ACOT11: variants seen among roughly 807,000 people sequenced by gnomAD.
The protein encoded by ACOT11 is acyl-CoA thioesterase 11, also known as acyl-coenzyme A thioesterase 11.
ACOT11 carries 69 observed loss-of-function variants against 77.5 expected under a neutral mutation model. The ratio of observed to expected loss-of-function variants is 0.89; its 90% CI spans 0.73 to 1.09. The LOEUF is 1.09. Ranked by LOEUF, ACOT11 falls within the 50% of genes least tolerant of loss-of-function variation. ACOT11 has a pLI of 0.00. For synonymous variants in ACOT11, 279 were observed against 313.0 expected (o/e 0.89, Z 1.15); for missense variants, 766 against 813.7 (o/e 0.94, Z 0.71).
intron 1 of ACOT11, among the ~76,000 whole-genome samples, chr1:54,569,782 A>G (rs141096606): frequency 9.3e-4 from 141 of 152,364 alleles, no homozygotes; most frequent in African/African-American, 3.1e-3. Context: ...AGTGATAGCA[A>G]CAGAAAAGCT....
At chr1:54,567,282 C>CTTTT (rs5774191) in intron 1 of ACOT11, among the ~76,000 whole-genome samples, 1 of 139,750 alleles carries the variant, frequency 7.2e-6, no homozygotes, top group Non-Finnish European at 1.5e-5. Flanking sequence ...GACTTTTTTC[C>CTTTT]TTTTTTTTTT....
chr1:54,602,534 GTTTTGA>G, intron 9 of ACOT11, 129 bp from the exon 10 acceptor site: 1 of 818,390 alleles, frequency 1.2e-6, no homozygotes. Context: ...TGGCCAGGAT[GTTTTGA>G]TTCCAGCTGC....
rs1257671336 is a variant in ACOT11, at chr1:54,629,915, T to A, written c.1630-819T>A. Among the ~76,000 whole-genome samples the A allele has an allele frequency of 3.0e-5, 4 of 133,524 alleles. 1 individual carries two copies. The highest frequency in any genetic ancestry group is 5.1e-5 in the Non-Finnish European group (3 of 59,034). 87.6% of individuals were successfully genotyped at this position (133,524 alleles called of 152,430 possible). A position where few individuals can be genotyped will look rare whatever the true frequency, so the allele number is the denominator to read the frequency against. Reference sequence around the variant, plus strand: ...TTATTTTTTTATTTTTATTTTTATGTTTGAGACGGAGTCTTGCTCTGTCGC... The same window carrying A: ...TTATTTTTTTATTTTTATTTTTATGATTGAGACGGAGTCTTGCTCTGTCGC... On this transcript the variant is annotated intron_variant, in intron 15 of 16. Coordinates refer to the ACOT11 transcript ENST00000371316.
At chr1:54,623,124 C>T (rs1644246823) in intron 15 of ACOT11, among the ~76,000 whole-genome samples, 2 of 151,236 alleles carry the variant, frequency 1.3e-5, no homozygotes, top group Admixed American at 6.6e-5. Flanking sequence ...TGCAGTGAGC[C>T]GAGAATCGTG....
intron 1 of ACOT11, among the ~76,000 whole-genome samples, chr1:54,554,352 T>TA (rs536616509): frequency 0.18 from 8,428 of 46,042 alleles, 633 homozygotes; most frequent in Middle Eastern, 0.29. Flanking sequence ...TATATATATA[T>TA]TTTTTTTTTT....
intron 1 of ACOT11, among the ~76,000 whole-genome samples, chr1:54,575,084 C>T (rs1195711955): frequency 6.6e-6 from 1 of 151,888 alleles, no homozygotes; most frequent in Non-Finnish European, 1.5e-5. Context: ...CCCTGGGGCT[C>T]AGTTTCTCCA....
At chr1:54,595,717 G>T (rs1654875858) in intron 6 of ACOT11, among the ~76,000 whole-genome samples, 1 of 152,192 alleles carries the variant, frequency 6.6e-6, no homozygotes, top group Admixed American at 6.5e-5. Context: ...TTTGGACTGG[G>T]TGGGATTTTG....
At chr1:54,568,042 C>T (rs1429885380) in intron 1 of ACOT11, among the ~76,000 whole-genome samples, 1 of 152,180 alleles carries the variant, frequency 6.6e-6, no homozygotes, top group Non-Finnish European at 1.5e-5. Context: ...TTCTTAGGTC[C>T]TTCTGTCCCA....
At chr1:54,552,698 G>A (rs184786746) in intron 1 of ACOT11, among the ~76,000 whole-genome samples, 2,305 of 152,276 alleles carry the variant, frequency 0.015, 35 homozygotes, top group Middle Eastern at 0.02. Context: ...TGTTGGCCAG[G>A]CTGGTCTTGA....
downstream of ACOT11, chr1:54,612,421 T>G (rs2101015830): frequency 3.3e-6 from 4 of 1,206,718 alleles, no homozygotes; most frequent in Non-Finnish European, 4.9e-6. Context: ...AGCCATGAGC[T>G]TCTGGGATCT....
chr1:54,621,206 C>T (rs1644227311), intron 15 of ACOT11, among the ~76,000 whole-genome samples: 1 of 151,166 alleles, frequency 6.6e-6, no homozygotes, highest in South Asian at 2.1e-4. Flanking sequence ...CCTGTAATCC[C>T]AGCACTTTGG....
intron 1 of ACOT11, among the ~76,000 whole-genome samples, chr1:54,553,281 C>T (rs896061996): frequency 2.0e-5 from 3 of 150,894 alleles, no homozygotes; most frequent in South Asian, 2.1e-4. Flanking sequence ...TTTGGGAGGC[C>T]GAGGTCGGTG....
intron 16 of ACOT11, chr1:54,630,936 A>G (rs1229543218): frequency 1.6e-6 from 1 of 628,656 alleles, no homozygotes; most frequent in South Asian, 1.9e-5. Context: ...TGGGATGGGT[A>G]TGGGGTCTGG....
chr1:54,554,337 A>C (rs372071354), intron 1 of ACOT11, among the ~76,000 whole-genome samples: 7 of 70,284 alleles, frequency 1.0e-4, no homozygotes, highest in Non-Finnish European at 1.6e-4. Flanking sequence ...GTGTGTGTAT[A>C]TATATATATA....
intron 13 of ACOT11, among the ~76,000 whole-genome samples, chr1:54,605,450 T>C (rs926561560): frequency 6.6e-6 from 1 of 152,220 alleles, no homozygotes; most frequent in African/African-American, 2.4e-5. Flanking sequence ...CAACCAGCTG[T>C]GTGACATTGG....
Position 54,602,580 on chromosome 1 carries a change from CT to C in ACOT11, c.1030-88del, listed in dbSNP as rs1289548341. ...GCGACACCTGAACTCCACGTTAGGGCTGCAGGAACTCCTTGGGCCCTGGGGG... is the reference window on the plus strand; with the variant it reads ...GCGACACCTGAACTCCACGTTAGGGCGCAGGAACTCCTTGGGCCCTGGGGG... On this transcript the variant is annotated intron_variant, in intron 9 of 15. Coordinates refer to ENST00000343744, the MANE Select transcript of ACOT11 (RefSeq NM_147161.4). The C allele has an allele frequency of 2.4e-6, 3 of 1,276,452 alleles. No individual in the cohort carries two copies. The African/African-American group carries it at 4.6e-5, about 20-fold the overall frequency. The allele number at this position is 1,276,452 out of a possible 1,614,324, so 79.1% of individuals were successfully genotyped here.
At chr1:54,627,738 C>T (rs1200229936) in intron 15 of ACOT11, among the ~76,000 whole-genome samples, 1 of 134,160 alleles carries the variant, frequency 7.5e-6, no homozygotes. Context: ...GTTAGAAACC[C>T]CAAACTCCTG....
At chr1:54,624,636 G>A (rs35379725) in intron 15 of ACOT11, among the ~76,000 whole-genome samples, 43,161 of 151,970 alleles carry the variant, frequency 0.28, 6,795 homozygotes, top group Middle Eastern at 0.4. Flanking sequence ...AGCAGAGGGC[G>A]GTGAGGGGTG....
chr1:54,621,038 G>A (rs1432267734), intron 15 of ACOT11, among the ~76,000 whole-genome samples: 2 of 151,312 alleles, frequency 1.3e-5, no homozygotes, highest in African/African-American at 4.9e-5. Flanking sequence ...GCATGCGCCT[G>A]TAATCCCAAC....
Sources: allele counts gnomAD v4.1 joint callset (sites outside exome capture counted in the v4.1 genomes callset), GRCh38; gene constraint gnomAD v4.1.1; transcripts MANE v1.5; gene names NCBI Gene and HGNC (gene_info 2026-07-23, HGNC 2026-07-21).